The following SULT6B1 variants were observed in gnomAD, a reference collection of about 807,000 sequenced individuals.
The protein encoded by SULT6B1 is sulfotransferase family 6B member 1, also known as sulfotransferase 6B1.
A neutral mutation model predicts 37.2 loss-of-function variants in SULT6B1; 44 were observed. The ratio of observed to expected loss-of-function variants is 1.18; its 90% CI spans 0.93 to 1.52. The LOEUF is 1.52. SULT6B1 is among the 40% of genes most tolerant of loss of function. SULT6B1 has a pLI of 0.00. For missense variants in SULT6B1, 450 were observed against 361.0 expected (o/e 1.25, Z -2.00); for synonymous variants, 140 against 126.0 (o/e 1.11, Z -0.74).
chr2:37,171,294 G>C (rs1676291815), intron 6 of SULT6B1, 140 bp downstream of exon 6: 1 of 949,544 alleles, frequency 1.1e-6, no homozygotes, highest in African/African-American at 1.7e-5. Context: ...TACAGCTCTG[G>C]AGAGCCTGTG....
chr2:37,177,692 G>T (rs777851650), intron 4 of SULT6B1, among the ~76,000 whole-genome samples: 2 of 152,068 alleles, frequency 1.3e-5, no homozygotes, highest in South Asian at 2.1e-4. Flanking sequence ...TATAATATTC[G>T]TTAAAAGAAT....
chr2:37,191,786 G>T (rs898859151), upstream of SULT6B1, among the ~76,000 whole-genome samples: 1 of 152,148 alleles, frequency 6.6e-6, no homozygotes, highest in Non-Finnish European at 1.5e-5. Context: ...TAGGGCAGCC[G>T]CCCCACATGA....
intron 2 of SULT6B1, among the ~76,000 whole-genome samples, chr2:37,184,566 T>C (rs1183532177): frequency 1.3e-5 from 2 of 152,246 alleles, no homozygotes; most frequent in African/African-American, 2.4e-5. Flanking sequence ...TACAATATAA[T>C]GTAAGTGATA....
intron 3 of SULT6B1, among the ~76,000 whole-genome samples, chr2:37,182,127 T>C (rs1030428601): frequency 8.5e-5 from 13 of 152,172 alleles, no homozygotes; most frequent in African/African-American, 1.2e-4. Flanking sequence ...TCCTTTCTTA[T>C]TTTGCTTCCC....
At chr2:37,194,493 G>C (rs147919149) in intron 1 of SULT6B1, 1 of 395,150 alleles carries the variant, frequency 2.5e-6, no homozygotes, top group African/African-American at 2.1e-5. Flanking sequence ...ACGCGGATAC[G>C]GTACGGGACA....
chr2:37,168,505 C>A (rs1200635901), intron 6 of SULT6B1, among the ~76,000 whole-genome samples: 4 of 152,128 alleles, frequency 2.6e-5, no homozygotes, highest in African/African-American at 9.7e-5. Flanking sequence ...GTAAAATTAA[C>A]AATATCCATT....
At chr2:37,181,563 A>G (rs138726285) in intron 3 of SULT6B1, among the ~76,000 whole-genome samples, 3,525 of 152,036 alleles carry the variant, frequency 0.023, 64 homozygotes, top group Middle Eastern at 0.055. Flanking sequence ...TATTTTTTGT[A>G]GAGACAGGGG....
chr2:37,182,583 C>A (rs531468573), intron 3 of SULT6B1, among the ~76,000 whole-genome samples: 1 of 152,096 alleles, frequency 6.6e-6, no homozygotes, highest in South Asian at 2.1e-4. Flanking sequence ...CCCACCTCGG[C>A]CTCTCAAAGT....
chr2:37,167,927 G>C lies in SULT6B1; in HGVS notation c.*8C>G. On this transcript the variant is annotated 3_prime_UTR_variant, in exon 7 of 7. Coordinates refer to ENST00000535679, the MANE Select transcript of SULT6B1 (RefSeq NM_001367551.1). ...AAAATAAATCTAGGCCTGCTGAATT[G>C]ACTGGAATCAACCCTGGCAATATGA... The C allele has an allele frequency of 6.4e-7, 1 of 1,566,386 alleles. No individual in the cohort carries two copies. The highest frequency in any genetic ancestry group is 8.6e-7 in the Non-Finnish European group (1 of 1,165,908).
intron 2 of SULT6B1, among the ~76,000 whole-genome samples, chr2:37,186,219 G>T (rs1290835679): frequency 6.6e-6 from 1 of 152,186 alleles, no homozygotes; most frequent in African/African-American, 2.4e-5. Flanking sequence ...CTCTCTGCCT[G>T]TTGGGAATCT....
intron 4 of SULT6B1, among the ~76,000 whole-genome samples, chr2:37,179,000 C>T (rs28463756): frequency 0.27 from 41,227 of 151,926 alleles, 6,660 homozygotes; most frequent in East Asian, 0.78. Context: ...TCTCGCTTTG[C>T]CAAGCTGGAG....
chr2:37,188,933 T>C (rs1572467379), upstream of SULT6B1, among the ~76,000 whole-genome samples: 2 of 152,216 alleles, frequency 1.3e-5, no homozygotes, highest in South Asian at 4.1e-4. Context: ...AGAAAATATA[T>C]ATTAAATATC....
At chr2:37,185,568 A>G (rs1030350104) in intron 2 of SULT6B1, among the ~76,000 whole-genome samples, 6 of 151,754 alleles carry the variant, frequency 4.0e-5, no homozygotes, top group African/African-American at 7.3e-5. Flanking sequence ...AATACAAAAC[A>G]TTAGCTAGGC....
At chr2:37,173,396 T>C (rs1375077949) in intron 5 of SULT6B1, among the ~76,000 whole-genome samples, 1 of 152,180 alleles carries the variant, frequency 6.6e-6, no homozygotes, top group Non-Finnish European at 1.5e-5. Context: ...TACCTACGTA[T>C]ATATTTCCAT....
intron 2 of SULT6B1, among the ~76,000 whole-genome samples, chr2:37,185,362 G>C (rs1558450816): frequency 6.6e-6 from 1 of 152,096 alleles, no homozygotes; most frequent in Non-Finnish European, 1.5e-5. Context: ...CTCCAGAAAA[G>C]TTCTCTGTAA....
chr2:37,194,970 GAC>G (rs1676877705), intron 1 of SULT6B1, among the ~76,000 whole-genome samples: 1 of 138,298 alleles, frequency 7.2e-6, no homozygotes, highest in African/African-American at 2.7e-5. Context: ...CCATTTTTGA[GAC>G]ACAGTCTTAC....
chr2:37,195,385 A>G (rs1348627613), intron 1 of SULT6B1, among the ~76,000 whole-genome samples: 1 of 152,136 alleles, frequency 6.6e-6, no homozygotes, highest in Non-Finnish European at 1.5e-5. Flanking sequence ...GTTTTTCACA[A>G]TTTATGATGC....
chr2:37,181,611 G>A (rs537479333), intron 3 of SULT6B1, among the ~76,000 whole-genome samples: 2 of 138,536 alleles, frequency 1.4e-5, no homozygotes, highest in South Asian at 5.1e-4. Context: ...GAACTCCTGG[G>A]CTCAAGCGAT....
upstream of SULT6B1, among the ~76,000 whole-genome samples, chr2:37,190,913 G>A (rs1572468508): frequency 6.6e-6 from 1 of 152,218 alleles, no homozygotes; most frequent in African/African-American, 2.4e-5. Flanking sequence ...TCTGCACTTG[G>A]TTTGTTTCAA....
Sources: gnomAD v4.1 joint callset for allele counts (sites outside exome capture counted in the v4.1 genomes callset) on GRCh38, gnomAD v4.1.1 for gene constraint, MANE v1.5 for transcripts, NCBI Gene and HGNC (gene_info 2026-07-23, HGNC 2026-07-21) for gene names.